The following COLQ variants were observed in gnomAD, a reference collection of about 807,000 sequenced individuals.
The protein encoded by COLQ is acetylcholinesterase collagenic tail peptide.
Under a neutral mutation model 69.0 loss-of-function variants are expected in COLQ, and 48 were observed. The ratio of observed to expected loss-of-function variants is 0.70; its 90% CI spans 0.55 to 0.88. COLQ has a LOEUF of 0.88. Among genes scored for constraint, COLQ ranks in the 40% least tolerant of loss-of-function variants. The pLI is 0.00. For synonymous variants in COLQ, 217 were observed against 211.2 expected (o/e 1.03, Z -0.24); for missense variants, 618 against 594.6 (o/e 1.04, Z -0.41).
rs552086225 is a variant in COLQ at position 15,484,429 on chromosome 3, G to A, written c.321+3777C>T. 1.5e-4 allele frequency among the ~76,000 whole-genome samples: 23 copies of A among 152,076 alleles called. No individual in the cohort carries two copies. The South Asian group carries it at 3.9e-3, about 26-fold the overall frequency. ...TCTTCTTGAGGAGTATCTTTGTGGC[G>A]TTCTCTGTATTTCCTCAATTTGAAT... On this transcript the variant is annotated intron_variant, in intron 3 of 16. Coordinates refer to ENST00000383788, the MANE Select transcript of COLQ (RefSeq NM_005677.4).
intron 1 of COLQ, chr3:15,506,480 A>G (rs78941733): frequency 6.6e-6 from 1 of 152,180 alleles, no homozygotes; most frequent in Admixed American, 6.5e-5. Flanking sequence ...TTAGTTTTCT[A>G]TGTATACTTC....
At chr3:15,502,626 C>T (rs1040364719) in intron 1 of COLQ, among the ~76,000 whole-genome samples, 2 of 152,108 alleles carry the variant, frequency 1.3e-5, no homozygotes, top group African/African-American at 4.8e-5. Flanking sequence ...ATTGCCCAGG[C>T]TGGTCTTGAA....
At chr3:15,479,756 C>A (rs184242486) in intron 3 of COLQ, among the ~76,000 whole-genome samples, 43 of 152,294 alleles carry the variant, frequency 2.8e-4, no homozygotes, top group South Asian at 6.2e-4. Context: ...CCTCTCATAT[C>A]TTTTCAGTTA....
intron 3 of COLQ, among the ~76,000 whole-genome samples, chr3:15,482,954 C>A (rs1346265669): frequency 6.6e-6 from 1 of 152,036 alleles, no homozygotes; most frequent in Middle Eastern, 3.2e-3. Context: ...TGTATGTGTC[C>A]AGGAATTTAT....
At chr3:15,502,617 T>C (rs1383225852) in intron 1 of COLQ, among the ~76,000 whole-genome samples, 3 of 152,190 alleles carry the variant, frequency 2.0e-5, no homozygotes, top group African/African-American at 7.2e-5. Context: ...TCTCACCATA[T>C]TGCCCAGGCT....
chr3:15,457,741 T>G (rs1276297421), intron 13 of COLQ, among the ~76,000 whole-genome samples: 2 of 152,030 alleles, frequency 1.3e-5, no homozygotes, highest in African/African-American at 4.8e-5. Flanking sequence ...GCCTCCCAAG[T>G]AGCTGAGACA....
At chr3:15,467,925 G>C (rs961562411) in intron 11 of COLQ, 1 of 456,754 alleles carries the variant, frequency 2.2e-6, no homozygotes, top group Non-Finnish European at 4.4e-6. Context: ...TATGGGATCC[G>C]TGAGGTCAGA....
At chr3:15,459,698 C>T (rs528421562) in intron 12 of COLQ, among the ~76,000 whole-genome samples, 10 of 151,920 alleles carry the variant, frequency 6.6e-5, no homozygotes, top group Non-Finnish European at 1.2e-4. Context: ...AGGCTGGTCT[C>T]GAACTCCTGA....
chr3:15,487,030 G>A (rs112413700), intron 3 of COLQ, among the ~76,000 whole-genome samples: 246 of 152,282 alleles, frequency 1.6e-3, no homozygotes, highest in African/African-American at 5.7e-3. Flanking sequence ...GCCAACCCCT[G>A]CCATTGAGCT....
chr3:15,484,476 G>A lies in COLQ; in HGVS notation c.321+3730C>T, dbSNP rs887882899. Among the ~76,000 whole-genome samples the A allele has an allele frequency of 5.3e-5, 8 of 152,264 alleles. No individual in the cohort carries two copies. In the East Asian group the frequency reaches 1.3e-3, roughly 26 times the overall value. On this transcript the variant is annotated intron_variant, in intron 3 of 16. Transcript: ENST00000383788. ...GAATGTTGGCCTGCCTTGCTAGGTTGGGGAAGTACTCCTGGATAATATCCT... is the reference window on the plus strand; with the variant it reads ...GAATGTTGGCCTGCCTTGCTAGGTTAGGGAAGTACTCCTGGATAATATCCT...
At chr3:15,459,608 A>G (rs1025182894) in intron 12 of COLQ, among the ~76,000 whole-genome samples, 1 of 151,086 alleles carries the variant, frequency 6.6e-6, no homozygotes, top group African/African-American at 2.4e-5. Context: ...CCTCCTGAGT[A>G]GCTGGGACTA....
At chr3:15,497,036 C>CAT (rs1179476935) in intron 1 of COLQ, among the ~76,000 whole-genome samples, 1 of 107,530 alleles carries the variant, frequency 9.3e-6, no homozygotes, top group East Asian at 2.9e-4. Flanking sequence ...GTCCTTTTGC[C>CAT]TTTTTTTTTT....
At chr3:15,468,798 T>C (rs545845972) in intron 11 of COLQ, among the ~76,000 whole-genome samples, 118 of 152,086 alleles carry the variant, frequency 7.8e-4, no homozygotes, top group Non-Finnish European at 1.3e-3. Flanking sequence ...CATGGAGGGG[T>C]CTTGGGCAAG....
chr3:15,511,386 G>A (rs1179834660), intron 1 of COLQ, among the ~76,000 whole-genome samples: 1 of 152,232 alleles, frequency 6.6e-6, no homozygotes, highest in Non-Finnish European at 1.5e-5. Context: ...AGCCTGTCCA[G>A]CCAATGCACT....
At chr3:15,487,064 G>T (rs2062586784) in intron 3 of COLQ, among the ~76,000 whole-genome samples, 1 of 152,168 alleles carries the variant, frequency 6.6e-6, no homozygotes. Context: ...GGGGAGACCA[G>T]GAACAGAAGA....
chr3:15,472,406 T>C (rs1559518408), intron 10 of COLQ, among the ~76,000 whole-genome samples: 1 of 152,252 alleles, frequency 6.6e-6, no homozygotes, highest in Non-Finnish European at 1.5e-5. Flanking sequence ...GCATGTTGAT[T>C]GAAAATATTT....
At chr3:15,509,411 C>T (rs770498605) in intron 1 of COLQ, among the ~76,000 whole-genome samples, 1 of 152,194 alleles carries the variant, frequency 6.6e-6, no homozygotes, top group Non-Finnish European at 1.5e-5. Context: ...ATTGCAGTGC[C>T]TTGTGGGGTT....
chr3:15,466,196 G>C (rs746435493), intron 12 of COLQ, 145 bp downstream of exon 12: 16 of 629,850 alleles, frequency 2.5e-5, no homozygotes, highest in Non-Finnish European at 3.4e-5. Flanking sequence ...GAGCTAAATC[G>C]TGGAGAAATT....
In COLQ at chr3:15,489,557, G is replaced by T. The variant is rs762446165; in HGVS notation, c.187C>A (p.Pro63Thr). The change falls in exon 2 of 17, where the codon CCA becomes ACA. Residue 63 changes from proline to threonine, a missense_variant. Transcript: ENST00000383788. ...LLTPPPPPLF[P>T]PPFFRGGRSP... ...CGGCCACCTCTGAAGAATGGTGGTG[G>T]GAACAGTGGTGGTGGAGGAGGCGTC... 1.7e-5 allele frequency: 27 copies of T among 1,614,202 alleles called. No homozygotes were observed. Among genetic ancestry groups the T allele is most frequent in the Non-Finnish European group, 2.3e-5 (27 of 1,180,026 alleles).
Sources: allele counts gnomAD v4.1 joint callset (sites outside exome capture counted in the v4.1 genomes callset), GRCh38; gene constraint gnomAD v4.1.1; transcripts MANE v1.5; gene names NCBI Gene and HGNC (gene_info 2026-07-23, HGNC 2026-07-21).